The following TAB1 variants were observed in gnomAD, a reference collection of about 807,000 sequenced individuals.
TAB1 encodes the protein TGF-beta activated kinase 1 (MAP3K7) binding protein 1, also known as TGF-beta-activated kinase 1 and MAP3K7-binding protein 1.
A neutral mutation model predicts 54.5 loss-of-function variants in TAB1; 30 were observed. That is an observed-to-expected ratio of 0.55 (90% CI 0.41 to 0.75). The LOEUF (loss-of-function observed/expected upper bound fraction) is 0.75, where lower values mean the gene tolerates loss of function less well. Ranked by LOEUF, TAB1 falls within the 30% of genes least tolerant of loss-of-function variation. TAB1 has a pLI of 0.00. For synonymous variants in TAB1, 289 were observed against 286.9 expected (o/e 1.01, Z -0.07); for missense variants, 609 against 683.2 (o/e 0.89, Z 1.21).
At chr22:39,403,217 A>G in intron 1 of TAB1, among the ~76,000 whole-genome samples, 2 of 152,256 alleles carry the variant, frequency 1.3e-5, no homozygotes, top group African/African-American at 4.8e-5. Flanking sequence ...GTGAGCACCG[A>G]ACAGATACAG....
rs555036897 is a variant in TAB1, at chr22:39,421,688, C to T, written c.777-139C>T. ...GATGGGTCTATTTTTCTGACCTTCT[C>T]TTTCTCTCTTTTCTTTTCCTCTTGT... On this transcript the variant is annotated intron_variant, in intron 7 of 10. Transcript: ENST00000216160. 8.5e-6 allele frequency: 8 copies of T among 943,246 alleles called. No individual in the cohort carries two copies. The Admixed American group carries it at 1.4e-4, about 16-fold the overall frequency. 58.4% of individuals were successfully genotyped at this position (943,246 alleles called of 1,614,324 possible). A position where few individuals can be genotyped will look rare whatever the true frequency, so the allele number is the denominator to read the frequency against.
chr22:39,404,699 C>G (rs4337572), intron 1 of TAB1, among the ~76,000 whole-genome samples: 105,939 of 152,108 alleles, frequency 0.7, 37,161 homozygotes, highest in East Asian at 0.93. Flanking sequence ...TACATAGCCA[C>G]TAAAATAAAA....
chr22:39,417,982 A>G (rs1441588914), intron 5 of TAB1, 133 bp downstream of exon 5: 8 of 1,183,220 alleles, frequency 6.8e-6, no homozygotes, highest in Non-Finnish European at 8.0e-6. Context: ...ACCGTTGGGT[A>G]TGTCCCTCTC....
chr22:39,425,704 G>T lies in TAB1; in HGVS notation c.922-999G>T, dbSNP rs182370653. On this transcript the variant is annotated intron_variant, in intron 8 of 10. Coordinates refer to ENST00000216160, the MANE Select transcript of TAB1 (RefSeq NM_006116.3). The stretch of plus-strand genomic sequence containing the variant: ...TGGGACTACAGGCACCCGCCACCAC[G>T]CCCGGCTAATTTTTTGTATTTTTAG... 3.8e-4 allele frequency among the ~76,000 whole-genome samples: 57 copies of T among 151,402 alleles called. 1 individual carries two copies. In the East Asian group the frequency reaches 0.01, roughly 27 times the overall value.
rs772658168 is a variant in TAB1, at chr22:39,415,116, G to A, written c.144G>A (p.Pro48=). 2.0e-5 allele frequency: 32 copies of A among 1,599,114 alleles called. No individual in the cohort carries two copies. Among genetic ancestry groups the A allele is most frequent in the South Asian group, 7.8e-5 (7 of 89,954 alleles). The change falls in exon 2 of 11, where the codon CCG becomes CCA. Residue 48 remains proline, a synonymous_variant. Coordinates refer to ENST00000216160, the MANE Select transcript of TAB1 (RefSeq NM_006116.3). The surrounding 1 kb of genome is among the most constrained non-coding windows in gnomAD (Gnocchi z 4.9). Reference sequence around the variant, plus strand: ...ATGGCAAGGGCACTGAGAGCCACCCGCCAGAGGACAGCTGGCTCAAGTTCA... The same window carrying A: ...ATGGCAAGGGCACTGAGAGCCACCCACCAGAGGACAGCTGGCTCAAGTTCA... ...SADGKGTESH[P]PEDSWLKFRS... is the part of the protein sequence containing the mutation.
rs1601703008 is a variant in TAB1 at position 39,431,265 on chromosome 22, C to G, written c.*1043C>G. ...CCCAGGGCCTGAGTTAGACTATTTC[C>G]CACATGTTCTCTGCCTTCAGTGGGG... is the stretch of plus-strand genomic sequence containing the variant. On this transcript the variant is annotated 3_prime_UTR_variant, in exon 11 of 11. Coordinates refer to ENST00000216160, the MANE Select transcript of TAB1 (RefSeq NM_006116.3). The G allele has an allele frequency of 1.0e-6, 1 of 985,602 alleles. No homozygotes were observed. Among genetic ancestry groups the G allele is most frequent in the East Asian group, 1.1e-4 (1 of 8,828 alleles). 61.1% of individuals were successfully genotyped at this position (985,602 alleles called of 1,614,324 possible).
intron 1 of TAB1, among the ~76,000 whole-genome samples, chr22:39,402,935 G>A (rs2145652127): frequency 6.6e-6 from 1 of 152,342 alleles, no homozygotes; most frequent in African/African-American, 2.4e-5. Context: ...TCTCATACTG[G>A]CTTTGGGCAA....
chr22:39,421,577 G>A (rs966277703), intron 7 of TAB1, among the ~76,000 whole-genome samples: 18 of 152,060 alleles, frequency 1.2e-4, no homozygotes, highest in Admixed American at 1.2e-3. Flanking sequence ...GGCCAGAATC[G>A]GGCATTCAAC....
intron 1 of TAB1, among the ~76,000 whole-genome samples, chr22:39,411,462 T>C (rs1257816689): frequency 6.6e-6 from 1 of 152,150 alleles, no homozygotes; most frequent in Non-Finnish European, 1.5e-5. Context: ...AGAGGATGAG[T>C]TGGTGCCAAA....
chr22:39,425,185 T>C (rs1433876572), intron 8 of TAB1, among the ~76,000 whole-genome samples: 3 of 149,510 alleles, frequency 2.0e-5, no homozygotes, highest in African/African-American at 7.4e-5. Flanking sequence ...CCATCCTGGC[T>C]AATACGGTGA....
intron 1 of TAB1, chr22:39,414,701 C>T (rs1315887887): frequency 3.1e-5 from 10 of 321,716 alleles, no homozygotes; most frequent in East Asian, 7.4e-5. Flanking sequence ...CAAGAGTCTG[C>T]GACATTTGTG....
chr22:39,400,122 G>A (rs1195423209), intron 1 of TAB1, among the ~76,000 whole-genome samples: 1 of 152,212 alleles, frequency 6.6e-6, no homozygotes, highest in Non-Finnish European at 1.5e-5. Flanking sequence ...GCGGGCGGCA[G>A]CAGAGCTATC....
intron 1 of TAB1, among the ~76,000 whole-genome samples, chr22:39,414,231 G>A (rs562416893): frequency 2.4e-4 from 36 of 152,256 alleles, no homozygotes; most frequent in Admixed American, 1.6e-3. Context: ...CGAAGGACCC[G>A]GAGAATTGGT....
Position 39,415,739 on chromosome 22 carries a change from G to T in TAB1, c.324+86G>T. 1.3e-6 allele frequency: 2 copies of T among 1,506,196 alleles called. No homozygotes were observed. The highest frequency in any genetic ancestry group is 2.5e-5 in the South Asian group (2 of 80,508). The allele number at this position is 1,506,196 out of a possible 1,614,324, so 93.3% of individuals were successfully genotyped here. A position where few individuals can be genotyped will look rare whatever the true frequency, so the allele number is the denominator to read the frequency against. ...GCCCTGCACCTCTAGCATGTTGCCAGGGTTGGTGTGAAGATCCTGCCGGCC... is the reference window on the plus strand; with the variant it reads ...GCCCTGCACCTCTAGCATGTTGCCATGGTTGGTGTGAAGATCCTGCCGGCC... On this transcript the variant is annotated intron_variant, in intron 3 of 10. Transcript: ENST00000216160. The surrounding 1 kb of genome is among the most constrained non-coding windows in gnomAD (Gnocchi z 4.9).
chr22:39,427,340 A>C (rs1162273064), intron 9 of TAB1, among the ~76,000 whole-genome samples: 1 of 152,236 alleles, frequency 6.6e-6, no homozygotes, highest in African/African-American at 2.4e-5. Flanking sequence ...CTGAAGAATG[A>C]AGGGACCTGG....
At chr22:39,432,812 C>T (rs1350975845), downstream of TAB1, 36 of 985,418 alleles carry the variant, frequency 3.7e-5, no homozygotes, top group Non-Finnish European at 4.1e-5. Flanking sequence ...GTCCCCTGTC[C>T]CCAGCCTTGG....
rs1431117302 is a variant in TAB1, at chr22:39,430,299, G to A, written c.*77G>A. 6.3e-6 allele frequency: 10 copies of A among 1,583,412 alleles called. No individual in the cohort carries two copies. The Admixed American group carries it at 1.4e-4, about 21-fold the overall frequency. ...TCCAGCCTTTTCCTAACATCTGCCT[G>A]TGCCACAACGGCCAGCAGGTGCCCC... On this transcript the variant is annotated 3_prime_UTR_variant, in exon 11 of 11. Transcript: ENST00000216160.
At chr22:39,434,126 C>T (rs918237177), downstream of TAB1, among the ~76,000 whole-genome samples, 3 of 152,294 alleles carry the variant, frequency 2.0e-5, no homozygotes, top group South Asian at 2.1e-4. Flanking sequence ...CAAAATGAGG[C>T]GACGACCCAC....
intron 3 of TAB1, among the ~76,000 whole-genome samples, chr22:39,416,467 C>T (rs557273086): frequency 9.8e-5 from 15 of 152,358 alleles, no homozygotes; most frequent in African/African-American, 3.4e-4. Context: ...CTGAGGGGGC[C>T]AGAGGTCACA....
Sources: allele counts gnomAD v4.1 joint callset (sites outside exome capture counted in the v4.1 genomes callset), GRCh38; gene constraint gnomAD v4.1.1; non-coding constraint Gnocchi (gnomAD v3.1); transcripts MANE v1.5; gene names NCBI Gene and HGNC (gene_info 2026-07-23, HGNC 2026-07-21).